The following HTRA1 variants were observed in gnomAD, a reference collection of about 807,000 sequenced individuals.
The protein encoded by HTRA1 is HtrA serine peptidase 1, also known as serine protease HTRA1.
A neutral mutation model predicts 49.7 loss-of-function variants in HTRA1; 26 were observed. The observed-to-expected ratio is 0.52, with a 90% CI of 0.38 to 0.73. HTRA1 has a LOEUF of 0.73. Among genes scored for constraint, HTRA1 ranks in the 30% least tolerant of loss-of-function variants. The pLI, the probability that HTRA1 is intolerant of heterozygous loss-of-function variation, is 0.00. For missense variants in HTRA1, 561 were observed against 667.2 expected (o/e 0.84, Z 1.75); for synonymous variants, 291 against 286.9 (o/e 1.01, Z -0.14).
At chr10:122,478,292 A>G (rs1395718756) in intron 1 of HTRA1, among the ~76,000 whole-genome samples, 10 of 151,882 alleles carry the variant, frequency 6.6e-5, no homozygotes, top group African/African-American at 2.2e-4. Context: ...TGGAGTATGC[A>G]CTGTTCTGGC....
Position 122,514,404 on chromosome 10 carries a change from C to A in HTRA1, c.*45C>A. 6.3e-7 allele frequency: 1 copy of A among 1,589,014 alleles called. No individual in the cohort carries two copies. Among genetic ancestry groups the A allele is most frequent in the South Asian group, 1.1e-5 (1 of 90,412 alleles). On this transcript the variant is annotated 3_prime_UTR_variant, in exon 9 of 9. Coordinates refer to ENST00000368984, the MANE Select transcript of HTRA1 (RefSeq NM_002775.5). ...TTCATGTTTCCCTCAAAGACTCTCC[C>A]GTGGATGACGGATGAGGACTCTGGG...
At chr10:122,502,442 A>G (rs954949942) in intron 3 of HTRA1, among the ~76,000 whole-genome samples, 3 of 152,178 alleles carry the variant, frequency 2.0e-5, no homozygotes, top group African/African-American at 2.4e-5. Flanking sequence ...TGCAATTTAC[A>G]TAGATATGGT....
At chr10:122,495,024 C>T (rs1475463026) in intron 3 of HTRA1, among the ~76,000 whole-genome samples, 1 of 151,966 alleles carries the variant, frequency 6.6e-6, no homozygotes, top group Non-Finnish European at 1.5e-5. Flanking sequence ...CTTGCCATGA[C>T]TCACGCCGGT....
At chr10:122,484,729 G>A (rs995103534) in intron 1 of HTRA1, among the ~76,000 whole-genome samples, 1 of 152,214 alleles carries the variant, frequency 6.6e-6, no homozygotes, top group Non-Finnish European at 1.5e-5. Context: ...GGAGGAGTCA[G>A]GTAACATGTC....
Position 122,461,582 on chromosome 10 carries a change from T to A in HTRA1, c.-71T>A, listed in dbSNP as rs868033160. On this transcript the variant is annotated 5_prime_UTR_variant, in exon 1 of 9. Transcript: ENST00000368984. ...GCACCCGCTGCCCCCGAGGCCCTCC[T>A]GCACTCTCCCCGGCGCCGCTCTCCG... is the stretch of plus-strand genomic sequence containing the variant. 3 of 997,776 alleles carry A rather than the reference T, an allele frequency of 3.0e-6. No individual in the cohort carries two copies. The African/African-American group carries it at 5.4e-5, about 18-fold the overall frequency. The allele number at this position is 997,776 out of a possible 1,614,324, so 61.8% of individuals were successfully genotyped here. A position where few individuals can be genotyped will look rare whatever the true frequency, so the allele number is the denominator to read the frequency against.
At chr10:122,501,775 C>T (rs1476258313) in intron 3 of HTRA1, among the ~76,000 whole-genome samples, 1 of 152,022 alleles carries the variant, frequency 6.6e-6, no homozygotes, top group Non-Finnish European at 1.5e-5. Flanking sequence ...GTCATGGACA[C>T]AGTCACGTCT....
At chr10:122,510,832 G>A (rs2097505247) in intron 7 of HTRA1, among the ~76,000 whole-genome samples, 1 of 152,208 alleles carries the variant, frequency 6.6e-6, no homozygotes, top group Non-Finnish European at 1.5e-5. Flanking sequence ...TCATTACTAT[G>A]ATGAATTAAT....
chr10:122,484,477 C>G (rs2097492289), intron 1 of HTRA1, among the ~76,000 whole-genome samples: 1 of 152,196 alleles, frequency 6.6e-6, no homozygotes, highest in African/African-American at 2.4e-5. Context: ...GCCGAGGTGG[C>G]TGAGTGGGTC....
In HTRA1 at chr10:122,473,699, C is replaced by T. The variant is rs111668310; in HGVS notation, c.472+11575C>T. 3.4e-4 allele frequency among the ~76,000 whole-genome samples: 52 copies of T among 152,220 alleles called. 3 individuals carry two copies. Among genetic ancestry groups the T allele is most frequent in the Admixed American group, 2.4e-3 (36 of 15,292 alleles). Reference sequence around the variant, plus strand: ...ACCAGCTCCAGGACACTTTCATCACCGTAAAAAGAAACCCCGTATCCATTA... The same window carrying T: ...ACCAGCTCCAGGACACTTTCATCACTGTAAAAAGAAACCCCGTATCCATTA... On this transcript the variant is annotated intron_variant, in intron 1 of 8. Transcript: ENST00000368984.
chr10:122,473,387 GC>G (rs2097486995), intron 1 of HTRA1, among the ~76,000 whole-genome samples: 1 of 152,226 alleles, frequency 6.6e-6, no homozygotes, highest in East Asian at 1.9e-4. Flanking sequence ...CCTCTCGGAT[GC>G]CAGCTCTGTC....
chr10:122,512,249 A>G (rs1200023380), intron 8 of HTRA1, among the ~76,000 whole-genome samples, 184 bp downstream of exon 8: 2 of 152,042 alleles, frequency 1.3e-5, no homozygotes, highest in Non-Finnish European at 2.9e-5. Context: ...CTCGGGACTC[A>G]TCCATAGGAG....
chr10:122,474,314 C>G (rs1021375423), intron 1 of HTRA1, among the ~76,000 whole-genome samples: 1 of 152,162 alleles, frequency 6.6e-6, no homozygotes, highest in Non-Finnish European at 1.5e-5. Flanking sequence ...TTATTTGAGC[C>G]AAAGCTTCCT....
At chr10:122,471,833 G>A (rs920265387) in intron 1 of HTRA1, among the ~76,000 whole-genome samples, 2 of 152,198 alleles carry the variant, frequency 1.3e-5, no homozygotes, top group Non-Finnish European at 2.9e-5. Context: ...CACGGTCCAT[G>A]CTCATGGTTT....
chr10:122,504,182 C>A (rs1406092782), intron 3 of HTRA1, among the ~76,000 whole-genome samples: 1 of 152,312 alleles, frequency 6.6e-6, no homozygotes, highest in African/African-American at 2.4e-5. Flanking sequence ...TGCCTGGGGG[C>A]TCCCCCGCCC....
At chr10:122,482,175 T>A (rs571307503) in intron 1 of HTRA1, among the ~76,000 whole-genome samples, 1 of 152,318 alleles carries the variant, frequency 6.6e-6, no homozygotes, top group South Asian at 2.1e-4. Flanking sequence ...CATTATTCAA[T>A]AAGCATGATT....
At position 122,488,963 on chromosome 10, in the gene HTRA1, G is replaced by A; in HGVS notation, c.534G>A (p.Lys178=). 2 of 1,614,158 alleles carry A rather than the reference G, an allele frequency of 1.2e-6. No individual in the cohort carries two copies. Among genetic ancestry groups the A allele is most frequent in the Non-Finnish European group, 1.7e-6 (2 of 1,179,986 alleles). The change falls in exon 2 of 9, where the codon AAG becomes AAA. Residue 178 remains lysine (K), a synonymous_variant. Transcript: ENST00000368984. ...KYNFIADVVE[K]IAPAVVHIEL... ...ACTTTATCGCGGACGTGGTGGAGAA[G>A]ATCGCCCCTGCCGTGGTTCATATCG... is the stretch of plus-strand genomic sequence containing the variant.
rs1002004060 is a variant in HTRA1 at position 122,490,398 on chromosome 10, C to G, written c.777+772C>G. Among the ~76,000 whole-genome samples, 1 of 152,174 alleles carries G rather than the reference C, an allele frequency of 6.6e-6. No individual in the cohort carries two copies. The highest frequency in any genetic ancestry group is 1.9e-4 in the East Asian group (1 of 5,196). ...TATTCTCTTTGCAATCATTTTTGCT[C>G]TGTTGATTTGCTTAGCAAAGTCTTC... is the stretch of plus-strand genomic sequence containing the variant. On this transcript the variant is annotated intron_variant, in intron 3 of 8. Coordinates refer to ENST00000368984, the MANE Select transcript of HTRA1 (RefSeq NM_002775.5). This position sits in a 1 kb window ranked among gnomAD's most constrained non-coding sequence, Gnocchi z 4.2.
intron 3 of HTRA1, among the ~76,000 whole-genome samples, chr10:122,496,776 T>C (rs1204243136): frequency 6.6e-6 from 1 of 152,212 alleles, no homozygotes; most frequent in Non-Finnish European, 1.5e-5. Context: ...TTCCCACTTC[T>C]GCTCAGCCTG....
chr10:122,513,088 C>T (rs1201676738), intron 8 of HTRA1, among the ~76,000 whole-genome samples: 1 of 152,166 alleles, frequency 6.6e-6, no homozygotes, highest in African/African-American at 2.4e-5. Context: ...TGAGTAGCTT[C>T]AACAGAGACC....
Sources: gnomAD v4.1 joint callset for allele counts (sites outside exome capture counted in the v4.1 genomes callset) on GRCh38, gnomAD v4.1.1 for gene constraint, Gnocchi (gnomAD v3.1) non-coding constraint, MANE v1.5 for transcripts, NCBI Gene and HGNC (gene_info 2026-07-23, HGNC 2026-07-21) for gene names.